ARHGAP10: variants seen among roughly 807,000 people sequenced by gnomAD.
The protein encoded by ARHGAP10 is rho GTPase-activating protein 10.
In ARHGAP10, 87 loss-of-function variants were observed where a neutral mutation model predicts 108.6. The ratio of observed to expected loss-of-function variants is 0.80; its 90% CI spans 0.67 to 0.96. ARHGAP10 has a LOEUF of 0.96. Ranked by LOEUF, ARHGAP10 falls within the 40% of genes least tolerant of loss-of-function variation. The pLI, the probability that ARHGAP10 is intolerant of heterozygous loss-of-function variation, is 0.00. For missense variants in ARHGAP10, 939 were observed against 954.5 expected (o/e 0.98, Z 0.21); for synonymous variants, 347 against 341.1 (o/e 1.02, Z -0.19).
intron 3 of ARHGAP10, among the ~76,000 whole-genome samples, chr4:147,829,484 C>T (rs139783572): frequency 8.5e-5 from 13 of 152,276 alleles, no homozygotes; most frequent in African/African-American, 2.6e-4. Flanking sequence ...CCACCGCGCC[C>T]GGCCAGGACA....
intron 4 of ARHGAP10, among the ~76,000 whole-genome samples, chr4:147,851,568 A>C (rs1222601316): frequency 6.6e-6 from 1 of 152,224 alleles, no homozygotes; most frequent in Admixed American, 6.5e-5. Flanking sequence ...ACTACAAAAC[A>C]TGAGTAAAAC....
intron 13 of ARHGAP10, 34 bp from the exon 14 acceptor site, chr4:147,939,791 T>G (rs970830858): frequency 2.6e-6 from 4 of 1,567,546 alleles, no homozygotes; most frequent in Non-Finnish European, 3.5e-6. Context: ...TATGATAGTC[T>G]TCTATTTTGC....
At chr4:147,939,729 C>G (rs1438104877) in intron 13 of ARHGAP10, 96 bp from the exon 14 acceptor site, 4 of 1,056,158 alleles carry the variant, frequency 3.8e-6, no homozygotes, top group Non-Finnish European at 5.9e-6. Flanking sequence ...AGGAATGCTG[C>G]TAATGTTAGT....
intron 18 of ARHGAP10, among the ~76,000 whole-genome samples, chr4:148,006,966 A>G (rs954565472): frequency 8.5e-5 from 13 of 152,192 alleles, no homozygotes; most frequent in Admixed American, 1.3e-4. Context: ...CAGCAGTACT[A>G]TACTACCTGG....
rs1728237601 is a variant in ARHGAP10, at chr4:147,732,195, C to T, written c.-107C>T. 3.4e-6 allele frequency: 4 copies of T among 1,181,166 alleles called. No individual in the cohort carries two copies. Among genetic ancestry groups the T allele is most frequent in the Non-Finnish European group, 4.4e-6 (4 of 905,654 alleles). The allele number at this position is 1,181,166 out of a possible 1,614,324, so 73.2% of individuals were successfully genotyped here. A position where few individuals can be genotyped will look rare whatever the true frequency, so the allele number is the denominator to read the frequency against. On this transcript the variant is annotated 5_prime_UTR_variant, in exon 1 of 23. Coordinates refer to ENST00000336498, the MANE Select transcript of ARHGAP10 (RefSeq NM_024605.4). ...CTCGCCGCGCGCCCGGGCCTGCTAG[C>T]TCCTCTGTGCTCCCTGAACGCGCGG...
Position 148,046,968 on chromosome 4 carries a change from T to C in ARHGAP10, c.1944T>C (p.Thr648=), listed in dbSNP as rs1387457272. The change falls in exon 20 of 23, where the codon ACT becomes ACC. Residue 648 remains threonine, a synonymous_variant. Coordinates refer to ENST00000336498, the MANE Select transcript of ARHGAP10 (RefSeq NM_024605.4). Reference sequence around the variant, plus strand: ...CACTTTCCTCCCCGTCTCCCGTGACTACAGCTGTCCCTGGGCCTCCTGGAC... The same window carrying C: ...CACTTTCCTCCCCGTCTCCCGTGACCACAGCTGTCCCTGGGCCTCCTGGAC... ...LDSLSSPSPV[T]TAVPGPPGPD... The C allele has an allele frequency of 6.2e-7, 1 of 1,614,218 alleles. No homozygotes were observed. The highest frequency in any genetic ancestry group is 1.7e-5 in the Admixed American group (1 of 60,024).
At chr4:147,914,826 G>T (rs550470801) in intron 13 of ARHGAP10, among the ~76,000 whole-genome samples, 2 of 152,080 alleles carry the variant, frequency 1.3e-5, no homozygotes, top group East Asian at 3.9e-4. Flanking sequence ...TAATTCCTCC[G>T]CTGACCAATA....
At chr4:148,023,093 TA>T (rs1259236481) in intron 18 of ARHGAP10, 169 bp from the exon 19 acceptor site, 6 of 578,390 alleles carry the variant, frequency 1.0e-5, no homozygotes, top group African/African-American at 1.9e-5. Context: ...AATCTTCTGT[TA>T]AAAAAATAAA....
chr4:147,968,208 G>C (rs748576708), intron 18 of ARHGAP10, among the ~76,000 whole-genome samples: 10 of 152,100 alleles, frequency 6.6e-5, no homozygotes, highest in Non-Finnish European at 1.0e-4. Context: ...GGATGCTTTC[G>C]GAGTGCTGTT....
At chr4:148,054,916 C>G (rs1435091307) in intron 20 of ARHGAP10, among the ~76,000 whole-genome samples, 2 of 152,190 alleles carry the variant, frequency 1.3e-5, no homozygotes, top group African/African-American at 4.8e-5. Flanking sequence ...TGAAGATGTT[C>G]AGCCTTCACA....
intron 13 of ARHGAP10, among the ~76,000 whole-genome samples, chr4:147,937,752 G>T (rs1304527928): frequency 6.6e-6 from 1 of 152,218 alleles, no homozygotes; most frequent in African/African-American, 2.4e-5. Flanking sequence ...GGCGGAGGCA[G>T]GCGGATCACC....
chr4:147,938,567 A>G (rs1738042302), intron 13 of ARHGAP10, among the ~76,000 whole-genome samples: 1 of 152,194 alleles, frequency 6.6e-6, no homozygotes, highest in Non-Finnish European at 1.5e-5. Flanking sequence ...GATACAGCAT[A>G]GAGACTCCGA....
chr4:147,822,828 T>G lies in ARHGAP10; in HGVS notation c.250+6T>G, dbSNP rs1488831296. On this transcript the variant is annotated splice_donor_region_variant and intron_variant, in intron 2 of 22. Coordinates refer to ENST00000336498, the MANE Select transcript of ARHGAP10 (RefSeq NM_024605.4). ...AGATGATGAACGATGCATAGGTAAT[T>G]AAACATGATATTTTGGTTTGTTTTC... 6.2e-7 allele frequency: 1 copy of G among 1,614,126 alleles called. No homozygotes were observed. The highest frequency in any genetic ancestry group is 8.5e-7 in the Non-Finnish European group (1 of 1,179,946).
At chr4:148,007,565 T>A (rs1740999580) in intron 18 of ARHGAP10, among the ~76,000 whole-genome samples, 1 of 152,218 alleles carries the variant, frequency 6.6e-6, no homozygotes, top group Admixed American at 6.5e-5. Context: ...AAGCCCTTCA[T>A]GCGGTGTGTG....
intron 17 of ARHGAP10, 115 bp downstream of exon 17, chr4:147,965,244 G>T (rs942874944): frequency 7.8e-6 from 5 of 643,846 alleles, no homozygotes; most frequent in Non-Finnish European, 1.3e-5. Flanking sequence ...CAGGCTGAAC[G>T]TTTGACTCAT....
intron 1 of ARHGAP10, among the ~76,000 whole-genome samples, chr4:147,777,097 A>G (rs1006479994): frequency 1.1e-4 from 17 of 152,286 alleles, no homozygotes; most frequent in Middle Eastern, 3.4e-3. Context: ...CTTCTTGGAC[A>G]TAAATTTACA....
At chr4:147,909,698 T>TA (rs1485723947) in intron 11 of ARHGAP10, 34 bp from the exon 12 acceptor site, 5 of 1,579,702 alleles carry the variant, frequency 3.2e-6, no homozygotes, top group East Asian at 2.2e-5. Context: ...CTGATTTGAT[T>TA]AAAAAATTCT....
chr4:147,838,640 C>G (rs1482641285), intron 3 of ARHGAP10, among the ~76,000 whole-genome samples: 2 of 151,982 alleles, frequency 1.3e-5, no homozygotes, highest in Non-Finnish European at 2.9e-5. Context: ...CTCAACTAGC[C>G]TCCCACCTCA....
intron 1 of ARHGAP10, among the ~76,000 whole-genome samples, chr4:147,749,252 A>G (rs1371113619): frequency 6.6e-6 from 1 of 152,206 alleles, no homozygotes; most frequent in East Asian, 1.9e-4. Context: ...ACAGTGAGGT[A>G]TCTATGCCTT....
Sources: gnomAD v4.1 joint callset for allele counts (sites outside exome capture counted in the v4.1 genomes callset) on GRCh38, gnomAD v4.1.1 for gene constraint, MANE v1.5 for transcripts, NCBI Gene and HGNC (gene_info 2026-07-23, HGNC 2026-07-21) for gene names.